Variants in DDX54 observed in about 807,000 individuals in gnomAD.
The protein encoded by DDX54 is DEAD-box helicase 54.
Under a neutral mutation model 105.5 loss-of-function variants are expected in DDX54, and 67 were observed. That is an observed-to-expected ratio of 0.64 (90% CI 0.52 to 0.78). The LOEUF is 0.78. Ranked by LOEUF, DDX54 falls within the 30% of genes least tolerant of loss-of-function variation. The probability of loss-of-function intolerance (pLI) is 0.00; values close to 1 mark genes in which losing one functional copy is unlikely to be tolerated. For missense variants in DDX54, 1,206 were observed against 1,230.5 expected (o/e 0.98, Z 0.30); for synonymous variants, 514 against 509.9 (o/e 1.01, Z -0.11).
At chr12:113,162,747 C>T in intron 17 of DDX54, 185 bp downstream of exon 17, 1 of 591,342 alleles carries the variant, frequency 1.7e-6, no homozygotes, top group Non-Finnish European at 2.9e-6. Flanking sequence ...CTCTCACTCA[C>T]CCTGGGCCTG....
rs760833636 is a variant in DDX54 at position 113,165,666 on chromosome 12, A to G, written c.1697T>C (p.Ile566Thr). 9 of 1,612,864 alleles carry G rather than the reference A, an allele frequency of 5.6e-6. No homozygotes were observed. Among genetic ancestry groups the G allele is most frequent in the Admixed American group, 1.7e-5 (1 of 59,896 alleles). The change falls in exon 14 of 20, where the codon ATA becomes ACA. Residue 566 changes from isoleucine to threonine, a missense_variant. By Grantham distance (89) the Ile-to-Thr change is moderately conservative. Coordinates refer to ENST00000306014, the MANE Select transcript of DDX54 (RefSeq NM_024072.4). ...ELQRLRLVDS[I>T]KNYRSRATIF... ...CACCGCCCGGGAGCGGTAGTTCTTT[A>G]TGCTGTCCACCAGCCTCAGCCGCTG...
rs1449226273 is a variant in DDX54, at chr12:113,157,422, C to T, written c.*1455G>A. The T allele has an allele frequency of 1.7e-6, 1 of 605,362 alleles. No homozygotes were observed. The highest frequency in any genetic ancestry group is 2.9e-6 in the Non-Finnish European group (1 of 341,376). 37.5% of individuals were successfully genotyped at this position (605,362 alleles called of 1,614,324 possible). A position where few individuals can be genotyped will look rare whatever the true frequency, so the allele number is the denominator to read the frequency against. ...GTTGGGAAGGTTGGCCTGAGGCTTT[C>T]AAAACCCAGAACGGTTTAGGATCTC... On this transcript the variant is annotated 3_prime_UTR_variant, in exon 20 of 20. Coordinates refer to ENST00000306014, the MANE Select transcript of DDX54 (RefSeq NM_024072.4).
At chr12:113,161,566 A>G in intron 18 of DDX54, 184 bp from the exon 19 acceptor site, 1 of 438,798 alleles carries the variant, frequency 2.3e-6, no homozygotes, top group Non-Finnish European at 3.9e-6. Flanking sequence ...CCCCGCCCCC[A>G]GCACCAGGTC....
rs1469226805 is a variant in DDX54, at chr12:113,165,814, G to A, written c.1633C>T (p.His545Tyr). 1.1e-5 allele frequency: 18 copies of A among 1,604,878 alleles called. No homozygotes were observed. Among genetic ancestry groups the A allele is most frequent in the Admixed American group, 1.7e-5 (1 of 59,632 alleles). The change falls in exon 13 of 20, where the codon CAC (histidine) becomes TAC (tyrosine). Residue 545 changes from histidine to tyrosine, a missense_variant. By Grantham distance (83) the His-to-Tyr change is moderately conservative. Coordinates refer to ENST00000306014, the MANE Select transcript of DDX54 (RefSeq NM_024072.4). ...KEMDLVGLGL[H>Y]PLFSSRFEEE... ...TAGAAGGACTCACTGAAGAGGGGGT[G>A]CAGGCCCAGCCCCACAAGGTCCATC...
At position 113,175,070 on chromosome 12, in the gene DDX54, C is replaced by T. The variant is rs552175395; in HGVS notation, c.840G>A (p.Thr280=). The T allele has an allele frequency of 1.1e-5, 18 of 1,613,944 alleles. No homozygotes were observed. Among genetic ancestry groups the T allele is most frequent in the African/African-American group, 2.7e-5 (2 of 75,056 alleles). The change falls in exon 8 of 20, where the codon ACG becomes ACA. Residue 280 remains threonine, a synonymous_variant. Coordinates refer to ENST00000306014, the MANE Select transcript of DDX54 (RefSeq NM_024072.4). ...CAAATTCCACCAGCAGTTTGGGCAG[C>T]GTGGCGGAGAACAGCACCGTCTGGT... The part of the protein sequence containing the change: ...GGHQTVLFSA[T]LPKLLVEFAR...
chr12:113,177,748 G>A (rs1952420547), intron 5 of DDX54, among the ~76,000 whole-genome samples: 1 of 152,156 alleles, frequency 6.6e-6, no homozygotes, highest in Non-Finnish European at 1.5e-5. Flanking sequence ...AATGAGGCAG[G>A]AGACTGGATT....
At position 113,172,458 on chromosome 12, in the gene DDX54, G is replaced by C. The variant is rs750011642; in HGVS notation, c.1174C>G (p.Leu392Val). The C allele has an allele frequency of 6.2e-7, 1 of 1,614,288 alleles. No individual in the cohort carries two copies. The highest frequency in any genetic ancestry group is 8.5e-7 in the Non-Finnish European group (1 of 1,180,060). The change falls in exon 11 of 20, where the codon CTC becomes GTC. Residue 392 changes from leucine to valine, a missense_variant. Coordinates refer to ENST00000306014, the MANE Select transcript of DDX54 (RefSeq NM_024072.4). ...CGGGCGGCCAGGTCAGTCACAATGA[G>C]AGTGGAGCACTTGCCAAGCGTGAAT... ...AKFTLGKCST[L>V]IVTDLAARGL...
At chr12:113,166,454 G>T (rs1263133371) in intron 12 of DDX54, among the ~76,000 whole-genome samples, 1 of 151,974 alleles carries the variant, frequency 6.6e-6, no homozygotes, top group Non-Finnish European at 1.5e-5. Context: ...TAATCTCAGA[G>T]TTCCGGGAGG....
At chr12:113,159,832 C>G (rs1952182884) in intron 19 of DDX54, among the ~76,000 whole-genome samples, 1 of 152,094 alleles carries the variant, frequency 6.6e-6, no homozygotes, top group Non-Finnish European at 1.5e-5. Context: ...AAGCACCACC[C>G]TCCCTGGCTC....
intron 1 of DDX54, among the ~76,000 whole-genome samples, chr12:113,182,556 G>GT (rs1952478590): frequency 6.6e-6 from 1 of 151,864 alleles, no homozygotes; most frequent in African/African-American, 2.4e-5. Context: ...ATGTCCTTCA[G>GT]TCTTCTTCTT....
intron 1 of DDX54, among the ~76,000 whole-genome samples, chr12:113,181,750 C>T (rs928932154): frequency 6.6e-6 from 1 of 151,976 alleles, no homozygotes; most frequent in African/African-American, 2.4e-5. Context: ...TCATGCCTGG[C>T]CTCCTTTCTG....
intron 2 of DDX54, among the ~76,000 whole-genome samples, chr12:113,180,252 C>G (rs1952451190): frequency 6.6e-6 from 1 of 152,220 alleles, no homozygotes; most frequent in Admixed American, 6.5e-5. Flanking sequence ...TCTCTGAACA[C>G]TAACGGGGTC....
intron 9 of DDX54, 52 bp from the exon 10 acceptor site, chr12:113,174,823 T>C (rs1566098435): frequency 6.2e-7 from 1 of 1,614,188 alleles, no homozygotes; most frequent in East Asian, 2.2e-5. Flanking sequence ...GCCCAGGGCC[T>C]GCAGGGCCCA....
In DDX54 at chr12:113,179,277, T is replaced by C; in HGVS notation, c.430A>G (p.Ser144Gly). ...KDVVAMARTG[S>G]GKTACFLLPM... ...AGGAGGAAGCAGGCTGTCTTGCCAC[T>C]GCCCGTCCGGGCCATGGCCACCACG... The change falls in exon 4 of 20, where the codon AGT (serine) becomes GGT (glycine). Residue 144 changes from serine to glycine, a missense_variant. Ser to Gly is a moderately conservative substitution (Grantham distance 56). This residue lies in a region of DDX54 where 33 missense variants were observed against 56.0 expected (regional missense o/e 0.59). Transcript: ENST00000306014. 6.2e-7 allele frequency: 1 copy of C among 1,614,054 alleles called. No individual in the cohort carries two copies. Among genetic ancestry groups the C allele is most frequent in the Non-Finnish European group, 8.5e-7 (1 of 1,180,006 alleles).
chr12:113,174,886 C>G lies in DDX54; in HGVS notation c.925G>C (p.Glu309Gln), dbSNP rs764446517. Reference sequence around the variant, plus strand: ...AGGTGCAGCCTCACCTTCAGCTGCTCGTTGAGCTTGGTATCCACGTCAAGC... The same window carrying G: ...AGGTGCAGCCTCACCTTCAGCTGCTGGTTGAGCTTGGTATCCACGTCAAGC... Reference protein sequence around the residue: ...IRLDVDTKLNEQLKTSFFLVR... With the variant: ...IRLDVDTKLNQQLKTSFFLVR... The change falls in exon 9 of 20, where the codon GAG becomes CAG. Residue 309 changes from glutamate to glutamine, a missense_variant. This residue lies in a region of DDX54 where 961 missense variants were observed against 1,019.1 expected (regional missense o/e 0.94). Coordinates refer to ENST00000306014, the MANE Select transcript of DDX54 (RefSeq NM_024072.4). 1.9e-6 allele frequency: 3 copies of G among 1,613,862 alleles called. No homozygotes were observed. Among genetic ancestry groups the G allele is most frequent in the Non-Finnish European group, 2.5e-6 (3 of 1,179,960 alleles).
intron 13 of DDX54, 25 bp from the exon 14 acceptor site, chr12:113,165,742 A>G: frequency 6.2e-6 from 10 of 1,610,580 alleles, no homozygotes; most frequent in Non-Finnish European, 7.6e-6. Context: ...GCAAGGTGTG[A>G]GGCTGTGGGT....
intron 9 of DDX54, 36 bp from the exon 10 acceptor site, chr12:113,174,807 G>GGAC (rs777573357): frequency 3.1e-6 from 5 of 1,614,210 alleles, no homozygotes; most frequent in Non-Finnish European, 4.2e-6. Context: ...GGCTTACGGG[G>GGAC]TCCTGGCCCA....
Position 113,185,280 on chromosome 12 carries a change from T to G in DDX54, c.172A>C (p.Lys58Gln). 1 of 1,563,692 alleles carries G rather than the reference T, an allele frequency of 6.4e-7. No individual in the cohort carries two copies. The highest frequency in any genetic ancestry group is 8.6e-7 in the Non-Finnish European group (1 of 1,157,420). ...IQAEDDARAR[K>Q]LGPGRPLPTF... ...GCGTCCCAGCCCCACGCGCCTACCT[T>G]CCGGGCCCGGGCGTCATCTTCCGCC... The change falls in exon 1 of 20, where the codon AAG becomes CAG. Residue 58 changes from lysine (K) to glutamine (Q), a missense_variant and splice_region_variant. Lys to Gln is a moderately conservative substitution (Grantham distance 53). This residue lies in a region of DDX54 where 212 missense variants were observed against 155.4 expected (regional missense o/e 1.36). Coordinates refer to ENST00000306014, the MANE Select transcript of DDX54 (RefSeq NM_024072.4).
intron 5 of DDX54, chr12:113,178,572 T>C (rs555895763): frequency 9.4e-4 from 149 of 159,118 alleles, no homozygotes; most frequent in African/African-American, 3.4e-3. Flanking sequence ...GATTGGAGTC[T>C]CGCGCTGTCG....
Sources: gnomAD v4.1 joint callset for allele counts (sites outside exome capture counted in the v4.1 genomes callset) on GRCh38, gnomAD v4.1.1 for gene constraint, gnomAD v4.1.1 regional missense constraint, MANE v1.5 for transcripts, NCBI Gene and HGNC (gene_info 2026-07-23, HGNC 2026-07-21) for gene names.